The following COL5A1 variants were observed in gnomAD, a reference collection of about 807,000 sequenced individuals.
The protein encoded by COL5A1 is collagen alpha-1(V) chain.
COL5A1 carries 16 observed loss-of-function variants against 263.7 expected under a neutral mutation model. That is an observed-to-expected ratio of 0.06 (90% CI 0.04 to 0.09). The LOEUF (loss-of-function observed/expected upper bound fraction) is 0.09, where lower values mean the gene tolerates loss of function less well. Ranked by LOEUF, COL5A1 falls within the 10% of genes least tolerant of loss-of-function variation. COL5A1 has a pLI of 1.00. For missense variants in COL5A1, 2,036 were observed against 2,540.5 expected (o/e 0.80, Z 4.27); for synonymous variants, 1,012 against 1,004.5 (o/e 1.01, Z -0.14).
Position 134,755,372 on chromosome 9 carries a change from G to A in COL5A1, c.1827+1046G>A, listed in dbSNP as rs1259363318. ...TAAAAACTGGAACAAGAGGAGACTC[G>A]GGAAATGCTGTCTAACATGGCCAGC... On this transcript the variant is annotated intron_variant, in intron 16 of 65. Coordinates refer to ENST00000371817, the MANE Select transcript of COL5A1 (RefSeq NM_000093.5). The surrounding 1 kb of genome is among the most constrained non-coding windows in gnomAD (Gnocchi z 4.1). Among the ~76,000 whole-genome samples the A allele has an allele frequency of 2.6e-5, 4 of 152,192 alleles. No homozygotes were observed. Among genetic ancestry groups the A allele is most frequent in the South Asian group, 4.1e-4 (2 of 4,830 alleles).
chr9:134,683,146 T>G (rs1048864493), intron 1 of COL5A1, among the ~76,000 whole-genome samples: 5 of 152,230 alleles, frequency 3.3e-5, no homozygotes, highest in Middle Eastern at 3.4e-3. Flanking sequence ...GAAGTGGGCT[T>G]TTATTTAGAA....
rs1461958132 is a variant in COL5A1 at position 134,700,949 on chromosome 9, T to A, written c.492-222T>A. On this transcript the variant is annotated intron_variant, in intron 3 of 65. Coordinates refer to ENST00000371817, the MANE Select transcript of COL5A1 (RefSeq NM_000093.5). This position sits in a 1 kb window ranked among gnomAD's most constrained non-coding sequence, Gnocchi z 4.0. ...TGGGCTTCCAGGGTTCAGACAGCCA[T>A]CCTTGTCTGAGGGACGAGGGTTCTG... is the stretch of plus-strand genomic sequence containing the variant. Among the ~76,000 whole-genome samples the A allele has an allele frequency of 1.3e-5, 2 of 152,140 alleles. No individual in the cohort carries two copies. Among genetic ancestry groups the A allele is most frequent in the African/African-American group, 4.8e-5 (2 of 41,434 alleles).
chr9:134,646,490 G>A (rs1831479209), intron 1 of COL5A1, among the ~76,000 whole-genome samples: 1 of 152,188 alleles, frequency 6.6e-6, no homozygotes, highest in South Asian at 2.1e-4. Context: ...GTGTCCCAGA[G>A]CTCTCCTGGG....
intron 7 of COL5A1, 116 bp from the exon 8 acceptor site, chr9:134,731,380 G>A (rs1052557330): frequency 1.9e-6 from 2 of 1,060,186 alleles, no homozygotes; most frequent in Non-Finnish European, 2.8e-6. Context: ...GGGCCTGATG[G>A]ATCTGGGATC....
At chr9:134,764,456 G>A (rs558614290) in intron 20 of COL5A1, among the ~76,000 whole-genome samples, 7 of 152,022 alleles carry the variant, frequency 4.6e-5, no homozygotes, top group African/African-American at 1.4e-4. Context: ...GCTTGGGCCC[G>A]TTTCAATGGC....
At chr9:134,731,169 C>T (rs917269339) in intron 7 of COL5A1, among the ~76,000 whole-genome samples, 4 of 152,214 alleles carry the variant, frequency 2.6e-5, no homozygotes, top group African/African-American at 9.7e-5. Flanking sequence ...GGTCCAGACC[C>T]CTGCGTCTGC....
intron 4 of COL5A1, among the ~76,000 whole-genome samples, chr9:134,720,896 G>A (rs915903457): frequency 4.6e-5 from 7 of 152,156 alleles, no homozygotes; most frequent in South Asian, 2.1e-4. Context: ...GGGCGTCCCC[G>A]CATCCACAGC....
At chr9:134,684,893 TCCA>T (rs1832960749) in intron 1 of COL5A1, among the ~76,000 whole-genome samples, 1 of 152,124 alleles carries the variant, frequency 6.6e-6, no homozygotes, top group Admixed American at 6.5e-5. Context: ...CATCCATCCA[TCCA>T]CCATCTATCC....
chr9:134,801,915 C>T, intron 37 of COL5A1, 39 bp from the exon 38 acceptor site: 2 of 1,597,714 alleles, frequency 1.3e-6, no homozygotes, highest in South Asian at 1.1e-5. Flanking sequence ...TGGCGCAGGC[C>T]ACTGCAGCAC....
chr9:134,734,732 G>A (rs1401104880), intron 9 of COL5A1, among the ~76,000 whole-genome samples: 2 of 152,208 alleles, frequency 1.3e-5, no homozygotes, highest in African/African-American at 4.8e-5. Flanking sequence ...TTCCAGGCAG[G>A]AAGCCCCCAG....
chr9:134,787,628 C>T (rs912866744), intron 31 of COL5A1, among the ~76,000 whole-genome samples: 1 of 152,232 alleles, frequency 6.6e-6, no homozygotes, highest in African/African-American at 2.4e-5. Context: ...GTGCACCTTG[C>T]AAACTTCTAG....
Position 134,800,338 on chromosome 9 carries a change from C to T in COL5A1, c.2953-1616C>T, listed in dbSNP as rs185299899. ...CTGAGCAGGGCATGCCCTTGACACC[C>T]ATCCACCGTTCCTTACTTCTGACCC... On this transcript the variant is annotated intron_variant, in intron 37 of 65. Transcript: ENST00000371817. Among the ~76,000 whole-genome samples the T allele has an allele frequency of 3.3e-5, 5 of 152,260 alleles. No individual in the cohort carries two copies. In the East Asian group the frequency reaches 7.7e-4, roughly 23 times the overall value.
chr9:134,767,172 C>G, intron 23 of COL5A1, 119 bp downstream of exon 23: 6 of 1,410,052 alleles, frequency 4.3e-6, no homozygotes, highest in Non-Finnish European at 6.0e-6. Flanking sequence ...AGCCCCTCCC[C>G]TTATCTGGAG....
intron 34 of COL5A1, among the ~76,000 whole-genome samples, chr9:134,795,744 A>C (rs1459856965): frequency 6.6e-6 from 1 of 152,246 alleles, no homozygotes; most frequent in South Asian, 2.1e-4. Flanking sequence ...CCTCATGCAC[A>C]TTCTTCCCAC....
In COL5A1 at chr9:134,785,062, G is replaced by A; in HGVS notation, c.2558G>A (p.Gly853Asp). 1 of 1,613,448 alleles carries A rather than the reference G, an allele frequency of 6.2e-7. No homozygotes were observed. The highest frequency in any genetic ancestry group is 8.5e-7 in the Non-Finnish European group (1 of 1,179,986). ...CCAAAGGGTCGCGGAGGTCCCAATGGTGACCCCGGTCCTCTGGGACCCCCT... is the reference window on the plus strand; with the variant it reads ...CCAAAGGGTCGCGGAGGTCCCAATGATGACCCCGGTCCTCTGGGACCCCCT... The part of the protein sequence containing the change: ...EGPKGRGGPN[G>D]DPGPLGPPGE... The change falls in exon 30 of 66, where the codon GGT (glycine) becomes GAT (aspartate). Residue 853 changes from glycine (G) to aspartate (D), a missense_variant. Physicochemically the swap from Gly to Asp is moderately conservative, Grantham distance 94. This residue lies in a region of COL5A1 where 1,078 missense variants were observed against 1,521.4 expected (regional missense o/e 0.71). Coordinates refer to ENST00000371817, the MANE Select transcript of COL5A1 (RefSeq NM_000093.5).
In COL5A1 at chr9:134,716,017, T is replaced by C. The variant is rs1006598739; in HGVS notation, c.655-11249T>C. On this transcript the variant is annotated intron_variant, in intron 4 of 65. Coordinates refer to ENST00000371817, the MANE Select transcript of COL5A1 (RefSeq NM_000093.5). The surrounding 1 kb of genome is among the most constrained non-coding windows in gnomAD (Gnocchi z 4.5). ...GTGGTGGTGGTGGTGATGATGTTAGTAGTGTGTTGGTTCTATGGTTTTGGT... is the reference window on the plus strand; with the variant it reads ...GTGGTGGTGGTGGTGATGATGTTAGCAGTGTGTTGGTTCTATGGTTTTGGT... Among the ~76,000 whole-genome samples, 3 of 151,776 alleles carry C rather than the reference T, an allele frequency of 2.0e-5. No individual in the cohort carries two copies. Among genetic ancestry groups the C allele is most frequent in the African/African-American group, 7.3e-5 (3 of 41,334 alleles).
chr9:134,792,211 T>C (rs9308277), intron 32 of COL5A1, among the ~76,000 whole-genome samples: 92,046 of 152,060 alleles, frequency 0.61, 28,098 homozygotes, highest in Admixed American at 0.63. Context: ...CTCTTTATCC[T>C]GAGGCACTGG....
chr9:134,819,154 T>A, intron 57 of COL5A1, 101 bp downstream of exon 57: 1 of 1,266,462 alleles, frequency 7.9e-7, no homozygotes, highest in Non-Finnish European at 1.1e-6. Context: ...CACCTAAATG[T>A]GTCAAGCACC....
intron 1 of COL5A1, among the ~76,000 whole-genome samples, chr9:134,669,368 A>C (rs371837876): frequency 2.2e-5 from 3 of 139,198 alleles, no homozygotes; most frequent in African/African-American, 8.1e-5. Flanking sequence ...CCATCCATTC[A>C]TCTACACATC....
Sources: gnomAD v4.1 joint callset for allele counts (sites outside exome capture counted in the v4.1 genomes callset) on GRCh38, gnomAD v4.1.1 for gene constraint, gnomAD v4.1.1 regional missense constraint, Gnocchi (gnomAD v3.1) non-coding constraint, MANE v1.5 for transcripts, NCBI Gene and HGNC (gene_info 2026-07-23, HGNC 2026-07-21) for gene names.